The following ZNF699 variants were observed in gnomAD, a reference collection of about 807,000 sequenced individuals.
The protein encoded by ZNF699 is zinc finger protein 699.
A neutral mutation model predicts 22.5 loss-of-function variants in ZNF699; 18 were observed. That is an observed-to-expected ratio of 0.80 (90% CI 0.55 to 1.19). ZNF699 has a LOEUF of 1.19. Ranked by LOEUF, ZNF699 falls within the 50% of genes most tolerant of loss-of-function variation. ZNF699 has a pLI of 0.00. For synonymous variants in ZNF699, 241 were observed against 262.3 expected (o/e 0.92, Z 0.78); for missense variants, 670 against 763.4 (o/e 0.88, Z 1.44).
At chr19:9,302,853 T>G (rs1330592812) in intron 2 of ZNF699, among the ~76,000 whole-genome samples, 1 of 151,800 alleles carries the variant, frequency 6.6e-6, no homozygotes, top group Non-Finnish European at 1.5e-5. Context: ...TGAGAATCAG[T>G]CTCTACTAAA....
chr19:9,298,439 C>G (rs1005084069), intron 3 of ZNF699, among the ~76,000 whole-genome samples: 2 of 129,984 alleles, frequency 1.5e-5, no homozygotes, highest in African/African-American at 5.9e-5. Flanking sequence ...GAGCGAGACT[C>G]TATCTCAAAA....
At chr19:9,306,379 G>A (rs890194927) in intron 1 of ZNF699, among the ~76,000 whole-genome samples, 28 of 143,786 alleles carry the variant, frequency 1.9e-4, no homozygotes, top group African/African-American at 2.7e-4. Context: ...GAGACAGAGC[G>A]AGACTCCATC....
intron 1 of ZNF699, among the ~76,000 whole-genome samples, chr19:9,305,678 C>G (rs535910177): frequency 7.2e-4 from 109 of 152,100 alleles, no homozygotes; most frequent in Admixed American, 1.4e-3. Context: ...CTGCAGGGTT[C>G]CCCAAAACCT....
At chr19:9,306,207 T>G (rs966950465) in intron 1 of ZNF699, among the ~76,000 whole-genome samples, 3 of 151,804 alleles carry the variant, frequency 2.0e-5, no homozygotes, top group Non-Finnish European at 4.4e-5. Context: ...GCCTAACCAA[T>G]ATGGTGAAAC....
chr19:9,304,058 CA>C (rs1191112743), intron 2 of ZNF699, among the ~76,000 whole-genome samples: 1 of 152,036 alleles, frequency 6.6e-6, no homozygotes, highest in Non-Finnish European at 1.5e-5. Context: ...TGACCTCAGG[CA>C]GTCTGCCCAC....
In ZNF699 at chr19:9,293,725, A is replaced by G. The variant is rs1036626312; in HGVS notation, c.*1750T>C. Among the ~76,000 whole-genome samples, 1 of 152,206 alleles carries G rather than the reference A, an allele frequency of 6.6e-6. No homozygotes were observed. The highest frequency in any genetic ancestry group is 1.5e-5 in the Non-Finnish European group (1 of 68,030). On this transcript the variant is annotated 3_prime_UTR_variant, in exon 6 of 6. Coordinates refer to ENST00000591998, the MANE Select transcript of ZNF699 (RefSeq NM_198535.3). The stretch of plus-strand genomic sequence containing the variant: ...CATGTACATACATGAAATGTCATTA[A>G]GCTGTACATTGAAGATTAGCACACT...
At position 9,291,551 on chromosome 19, in the gene ZNF699, A is replaced by T. The variant is rs1467620552; in HGVS notation, c.*3924T>A. The T allele has an allele frequency of 6.6e-6, 1 of 152,094 alleles. No individual in the cohort carries two copies. Among genetic ancestry groups the T allele is most frequent in the Non-Finnish European group, 1.5e-5 (1 of 68,036 alleles). 9.4% of individuals were successfully genotyped at this position (152,094 alleles called of 1,614,324 possible). A position where few individuals can be genotyped will look rare whatever the true frequency, so the allele number is the denominator to read the frequency against. On this transcript the variant is annotated 3_prime_UTR_variant, in exon 6 of 6. Transcript: ENST00000591998. ...CCTACCTCACACGCTACAAAAAATT[A>T]TTCAAAGTAGATCACAGACCTACAT...
At position 9,292,772 on chromosome 19, in the gene ZNF699, A is replaced by G. The variant is rs2066269665; in HGVS notation, c.*2703T>C. Among the ~76,000 whole-genome samples, 1 of 152,076 alleles carries G rather than the reference A, an allele frequency of 6.6e-6. No individual in the cohort carries two copies. The highest frequency in any genetic ancestry group is 6.6e-5 in the Admixed American group (1 of 15,266). On this transcript the variant is annotated 3_prime_UTR_variant, in exon 6 of 6. Transcript: ENST00000591998. ...TATCTATGCATGTGTACCTAGATAT[A>G]GATATACATACATACAATAAAGGAC...
Position 9,298,005 on chromosome 19 carries a change from A to G in ZNF699, c.176-15T>C, listed in dbSNP as rs1446894268. On this transcript the variant is annotated splice_polypyrimidine_tract_variant and intron_variant, in intron 3 of 5. Coordinates refer to ENST00000591998, the MANE Select transcript of ZNF699 (RefSeq NM_198535.3). Reference sequence around the variant, plus strand: ...TAGCGGATACCCTGCACAAGCAGAAAGGCATATCACGAGGGAAAATAATGA... The same window carrying G: ...TAGCGGATACCCTGCACAAGCAGAAGGGCATATCACGAGGGAAAATAATGA... 6.5e-7 allele frequency: 1 copy of G among 1,528,158 alleles called. No homozygotes were observed. Among genetic ancestry groups the G allele is most frequent in the South Asian group, 1.1e-5 (1 of 87,808 alleles). The allele number at this position is 1,528,158 out of a possible 1,614,324, so 94.7% of individuals were successfully genotyped here. A position where few individuals can be genotyped will look rare whatever the true frequency, so the allele number is the denominator to read the frequency against.
chr19:9,308,250 A>T (rs1043664551), intron 1 of ZNF699, among the ~76,000 whole-genome samples: 1 of 152,176 alleles, frequency 6.6e-6, no homozygotes, highest in East Asian at 1.9e-4. Context: ...ACCAGCTGGG[A>T]CTACAGATAT....
At position 9,305,260 on chromosome 19, in the gene ZNF699, A is replaced by AACACACACACAC. The variant is rs1465683449; in HGVS notation, c.-5-137_-5-136insGTGTGTGTGTGT. The AACACACACACAC allele has an allele frequency of 8.2e-4, 533 of 650,966 alleles. 3 individuals carry two copies. In the African/African-American group the frequency reaches 8.6e-3, roughly 10 times the overall value. The allele number at this position is 650,966 out of a possible 1,614,324, so 40.3% of individuals were successfully genotyped here. A position where few individuals can be genotyped will look rare whatever the true frequency, so the allele number is the denominator to read the frequency against. ...AATTATAAGTAACAACTCCCCTCAA[A>AACACACACACAC]ACACATACACACACACACACACACA... On this transcript the variant is annotated intron_variant, in intron 1 of 5. Coordinates refer to ENST00000591998, the MANE Select transcript of ZNF699 (RefSeq NM_198535.3).
Position 9,295,788 on chromosome 19 carries a change from G to A in ZNF699, c.1616C>T (p.Ala539Val), listed in dbSNP as rs759873494. The A allele has an allele frequency of 1.9e-6, 3 of 1,614,044 alleles. No individual in the cohort carries two copies. The highest frequency in any genetic ancestry group is 2.5e-6 in the Non-Finnish European group (3 of 1,180,016). ...CCTAAGGGCTGAGGGATAAATAAAG[G>A]CTTTCCCACATTTCTTACATTCATA... ...KPYECKKCGKAFIYPSALRIH... is the reference protein window; with the variant it reads ...KPYECKKCGKVFIYPSALRIH... The change falls in exon 6 of 6, where the codon GCC becomes GTC. Residue 539 changes from alanine to valine, a missense_variant. Physicochemically the swap from Ala to Val is moderately conservative, Grantham distance 64. Transcript: ENST00000591998.
At chr19:9,300,817 A>G (rs149587639) in intron 3 of ZNF699, among the ~76,000 whole-genome samples, 2,352 of 152,378 alleles carry the variant, frequency 0.015, 28 homozygotes, top group South Asian at 0.03. Context: ...GATAGAGCAC[A>G]CAGGATTTTT....
At chr19:9,305,264 C>T in intron 1 of ZNF699, 140 bp from the exon 2 acceptor site, 2 of 624,462 alleles carry the variant, frequency 3.2e-6, no homozygotes, top group Non-Finnish European at 5.7e-6. Flanking sequence ...CCTCAAAACA[C>T]ATACACACAC....
chr19:9,302,106 T>C (rs2144980404), intron 3 of ZNF699, among the ~76,000 whole-genome samples: 1 of 152,210 alleles, frequency 6.6e-6, no homozygotes, highest in East Asian at 1.9e-4. Flanking sequence ...TTCTCCATGT[T>C]GGTCAGGCTG....
At position 9,298,009 on chromosome 19, in the gene ZNF699, A is replaced by G; in HGVS notation, c.176-19T>C. ...GGATACCCTGCACAAGCAGAAAGGC[A>G]TATCACGAGGGAAAATAATGAAGAA... is the stretch of plus-strand genomic sequence containing the variant. On this transcript the variant is annotated intron_variant, in intron 3 of 5. Transcript: ENST00000591998. 2 of 1,500,478 alleles carry G rather than the reference A, an allele frequency of 1.3e-6. No individual in the cohort carries two copies. Among genetic ancestry groups the G allele is most frequent in the South Asian group, 1.2e-5 (1 of 86,894 alleles). The allele number at this position is 1,500,478 out of a possible 1,614,324, so 92.9% of individuals were successfully genotyped here. A position where few individuals can be genotyped will look rare whatever the true frequency, so the allele number is the denominator to read the frequency against.
intron 3 of ZNF699, among the ~76,000 whole-genome samples, chr19:9,299,772 A>T (rs544901626): frequency 6.6e-6 from 1 of 152,266 alleles, no homozygotes; most frequent in African/African-American, 2.4e-5. Context: ...TCTGAGAAGG[A>T]ACTGTTATCA....
intron 3 of ZNF699, among the ~76,000 whole-genome samples, chr19:9,302,060 G>T (rs763752934): frequency 4.0e-5 from 6 of 151,866 alleles, no homozygotes; most frequent in Non-Finnish European, 5.9e-5. Flanking sequence ...GCACCACCAC[G>T]CCTGGCTAAT....
Position 9,295,304 on chromosome 19 carries a change from G to T in ZNF699, c.*171C>A. ...TACATAATAAGCAATGTTCATAAAG[G>T]CTTTAGCACATGACTTACATACACA... On this transcript the variant is annotated 3_prime_UTR_variant, in exon 6 of 6. Transcript: ENST00000591998. The T allele has an allele frequency of 1.3e-6, 1 of 758,244 alleles. No individual in the cohort carries two copies. The allele number at this position is 758,244 out of a possible 1,614,324, so 47.0% of individuals were successfully genotyped here. A position where few individuals can be genotyped will look rare whatever the true frequency, so the allele number is the denominator to read the frequency against.
Sources: gnomAD v4.1 joint callset for allele counts (sites outside exome capture counted in the v4.1 genomes callset) on GRCh38, gnomAD v4.1.1 for gene constraint, MANE v1.5 for transcripts, NCBI Gene and HGNC (gene_info 2026-07-23, HGNC 2026-07-21) for gene names.